The following DAB1 variants were observed in gnomAD, a reference collection of about 807,000 sequenced individuals.
The protein encoded by DAB1 is disabled homolog 1.
DAB1 carries 15 observed loss-of-function variants against 64.6 expected under a neutral mutation model. The observed-to-expected ratio is 0.23, with a 90% confidence interval of 0.16 to 0.36. The LOEUF (loss-of-function observed/expected upper bound fraction) is 0.36, where lower values mean the gene tolerates loss of function less well. Among genes scored for constraint, DAB1 ranks in the 10% least tolerant of loss-of-function variants. The probability of loss-of-function intolerance (pLI) is 1.00; values close to 1 mark genes in which losing one functional copy is unlikely to be tolerated. For missense variants in DAB1, 596 were observed against 706.7 expected, an observed-to-expected ratio of 0.84 and a Z score of 1.78; for synonymous variants, 235 against 251.9, an observed-to-expected ratio of 0.93 and a Z score of 0.64.
intron 2 of DAB1, among the ~76,000 whole-genome samples, chr1:58,513,709 T>C (rs923981696): frequency 1.1e-4 from 17 of 152,244 alleles, no homozygotes; most frequent in African/African-American, 3.9e-4. Context: ...CAGTCACTTA[T>C]ATGACACCAC....
intron 3 of DAB1, among the ~76,000 whole-genome samples, chr1:58,401,237 C>A (rs951808603): frequency 1.3e-5 from 2 of 152,190 alleles, no homozygotes; most frequent in African/African-American, 4.8e-5. Flanking sequence ...GTGATCTTCC[C>A]ATTGCCTCCA....
chr1:58,165,405 C>G (rs1655776596), intron 4 of DAB1, among the ~76,000 whole-genome samples: 1 of 152,128 alleles, frequency 6.6e-6, no homozygotes, highest in South Asian at 2.1e-4. Flanking sequence ...CAAACCTCCC[C>G]GATTCTCTGT....
chr1:57,313,697 A>G (rs1674936000), intron 1 of DAB1, among the ~76,000 whole-genome samples: 1 of 152,220 alleles, frequency 6.6e-6, no homozygotes, highest in Non-Finnish European at 1.5e-5. Context: ...ACATTATATT[A>G]CGTTTATTAT....
At chr1:58,319,237 C>T (rs1420707094) in intron 4 of DAB1, among the ~76,000 whole-genome samples, 1 of 152,148 alleles carries the variant, frequency 6.6e-6, no homozygotes, top group East Asian at 1.9e-4. Flanking sequence ...TTTGCAAAGG[C>T]TCCACATTGC....
chr1:57,010,811 A>C, intron 13 of DAB1, 21 bp from the exon 14 acceptor site: 2 of 1,510,130 alleles, frequency 1.3e-6, no homozygotes, highest in Non-Finnish European at 1.8e-6. Flanking sequence ...AGAAGATAAT[A>C]CTTTTTTTTT....
intron 6 of DAB1, among the ~76,000 whole-genome samples, chr1:57,734,024 C>A (rs539319872): frequency 6.6e-6 from 1 of 152,172 alleles, no homozygotes; most frequent in East Asian, 1.9e-4. Flanking sequence ...TCACCCAGCC[C>A]CCAGGGTTGC....
chr1:57,223,164 A>G (rs768200724), intron 2 of DAB1, among the ~76,000 whole-genome samples: 3 of 152,218 alleles, frequency 2.0e-5, no homozygotes, highest in Non-Finnish European at 4.4e-5. Flanking sequence ...TTCAGAAACC[A>G]AAGGCAAGTG....
chr1:57,061,235 G>GC (rs961669743), intron 9 of DAB1, among the ~76,000 whole-genome samples: 6 of 151,038 alleles, frequency 4.0e-5, no homozygotes, highest in Non-Finnish European at 8.9e-5. Context: ...AGATGGGGGG[G>GC]GGGGGTGGTT....
intron 1 of DAB1, among the ~76,000 whole-genome samples, chr1:57,828,112 A>C (rs1447881124): frequency 6.6e-6 from 1 of 151,964 alleles, no homozygotes; most frequent in Non-Finnish European, 1.5e-5. Flanking sequence ...TGCCTGGCTA[A>C]TGTTTTGTAT....
chr1:58,262,933 C>A (rs1361352010), intron 4 of DAB1, among the ~76,000 whole-genome samples: 1 of 152,104 alleles, frequency 6.6e-6, no homozygotes, highest in African/African-American at 2.4e-5. Context: ...AGAGTGAAAA[C>A]AAAGATAACA....
intron 4 of DAB1, among the ~76,000 whole-genome samples, chr1:58,200,492 A>C (rs546646007): frequency 3.3e-5 from 5 of 152,292 alleles, no homozygotes; most frequent in African/African-American, 1.2e-4. Flanking sequence ...TACTTATCCA[A>C]GAATCTTCTT....
At chr1:57,328,904 T>A (rs1011750960) in intron 1 of DAB1, among the ~76,000 whole-genome samples, 1 of 152,086 alleles carries the variant, frequency 6.6e-6, no homozygotes, top group Non-Finnish European at 1.5e-5. Context: ...ATAAATTCTG[T>A]CTATTATTAA....
intron 6 of DAB1, among the ~76,000 whole-genome samples, chr1:57,780,429 T>C (rs1251506162): frequency 6.6e-6 from 1 of 152,162 alleles, no homozygotes; most frequent in Non-Finnish European, 1.5e-5. Flanking sequence ...GCTGTTGTCT[T>C]GGGAATTCTT....
intron 1 of DAB1, among the ~76,000 whole-genome samples, chr1:57,325,947 T>A (rs1333294950): frequency 2.0e-5 from 3 of 152,190 alleles, no homozygotes; most frequent in Non-Finnish European, 4.4e-5. Context: ...GTTTCACAAA[T>A]GAATTCGACT....
chr1:58,349,623 G>A (rs769548908), intron 3 of DAB1, among the ~76,000 whole-genome samples: 50 of 151,602 alleles, frequency 3.3e-4, no homozygotes, highest in Admixed American at 1.2e-3. Context: ...CCCACCCCTC[G>A]ACAGGCCCTG....
At position 57,355,873 on chromosome 1, in the gene DAB1, AACACACACACAC is replaced by A. The variant is rs10529674; in HGVS notation, c.-136-64719_-136-64708del. Among the ~76,000 whole-genome samples the A allele has an allele frequency of 6.0e-3, 884 of 146,408 alleles. 8 individuals are homozygous for A. The highest frequency in any genetic ancestry group is 0.019 in the African/African-American group (783 of 40,218). ...CTAGCTTTTTTGTTAAACCTCAATA[AACACACACACAC>A]ACACACACACACACACACACACACA... On this transcript the variant is annotated intron_variant, in intron 1 of 14. Coordinates refer to ENST00000371236, the MANE Select transcript of DAB1 (RefSeq NM_001365792.1).
rs1173379765 is a variant in DAB1, at chr1:58,334,631, T to TATATC, written n.309+8716_309+8720dup. Among the ~76,000 whole-genome samples, 16 of 83,220 alleles carry TATATC rather than the reference T, an allele frequency of 1.9e-4. No homozygotes were observed. In the East Asian group the frequency reaches 4.0e-3, roughly 21 times the overall value. 54.6% of individuals were successfully genotyped at this position (83,220 alleles called of 152,430 possible). ...TATATTATATTATATTATATTATAT[T>TATATC]ATATCATATCATATCATATCATATT... On this transcript the variant is annotated intron_variant and non_coding_transcript_variant, in intron 4 of 20. Coordinates refer to the DAB1 transcript ENST00000485760.
intron 4 of DAB1, among the ~76,000 whole-genome samples, chr1:58,164,555 C>CT (rs1557678243): frequency 6.6e-6 from 1 of 152,282 alleles, no homozygotes; most frequent in East Asian, 1.9e-4. Flanking sequence ...TAATAGCATC[C>CT]TTTTTTAAAA....
chr1:58,458,360 G>A (rs922905900), intron 3 of DAB1, among the ~76,000 whole-genome samples: 13 of 152,194 alleles, frequency 8.5e-5, no homozygotes, highest in African/African-American at 3.1e-4. Flanking sequence ...TTGGAGATAG[G>A]TGTTGTTTCC....
Sources: gnomAD v4.1 joint callset for allele counts (sites outside exome capture counted in the v4.1 genomes callset) on GRCh38, gnomAD v4.1.1 for gene constraint, MANE v1.5 for transcripts, NCBI Gene and HGNC (gene_info 2026-07-23, HGNC 2026-07-21) for gene names.